The following PNMA8C variants were observed in gnomAD, a reference collection of about 807,000 sequenced individuals.
The protein encoded by PNMA8C is PNMA family member 8C.
chr19:46,427,779 C>T lies in PNMA8C; in HGVS notation c.581G>A (p.Arg194His), dbSNP rs1969430939. ...KRGKRKNKKN[R>H]RRHHASDKKL ...CTTGTCTGAGGCGTGATGCCGCCGG[C>T]GGTTTTTCTTGTTCTTCCTTTTGCC... The change falls in exon 1 of 1, where the codon CGC becomes CAC. Residue 194 changes from arginine (R) to histidine (H), a missense_variant. Coordinates refer to ENST00000617053, the MANE Select transcript of PNMA8C (RefSeq NM_001386793.1). The T allele has an allele frequency of 2.5e-6, 1 of 398,726 alleles. No homozygotes were observed. Among genetic ancestry groups the T allele is most frequent in the Non-Finnish European group, 4.4e-6 (1 of 226,200 alleles). The allele number at this position is 398,726 out of a possible 1,614,324, so 24.7% of individuals were successfully genotyped here. A position where few individuals can be genotyped will look rare whatever the true frequency, so the allele number is the denominator to read the frequency against.
At position 46,427,064 on chromosome 19, in the gene PNMA8C, A is replaced by G. The variant is rs1157147375; in HGVS notation, c.*681T>C. On this transcript the variant is annotated 3_prime_UTR_variant, in exon 1 of 1. Coordinates refer to ENST00000617053, the MANE Select transcript of PNMA8C (RefSeq NM_001386793.1). ...ACCCACACACTCTAATGCTACCCAC[A>G]CTCACTAACGTGTATTCAAGTAACC... 6.6e-6 allele frequency: 1 copy of G among 152,206 alleles called. No homozygotes were observed. 9.4% of individuals were successfully genotyped at this position (152,206 alleles called of 1,614,324 possible).
rs576230213 is a variant in PNMA8C at position 46,426,461 on chromosome 19, T to C, written c.*1284A>G. 11 of 152,024 alleles carry C rather than the reference T, an allele frequency of 7.2e-5. No homozygotes were observed. In the East Asian group the frequency reaches 2.1e-3, roughly 29 times the overall value. 9.4% of individuals were successfully genotyped at this position (152,024 alleles called of 1,614,324 possible). ...ACATGCGCAAAACAGGGTGGCCCAC[T>C]CCGAACAAGTTTGTGCCAGAGGTAC... On this transcript the variant is annotated 3_prime_UTR_variant, in exon 1 of 1. Transcript: ENST00000617053.
In PNMA8C at chr19:46,426,383, GTT is replaced by G. The variant is rs1969420166; in HGVS notation, c.*1360_*1361del. 6.6e-6 allele frequency: 1 copy of G among 152,112 alleles called. No homozygotes were observed. The highest frequency in any genetic ancestry group is 1.5e-5 in the Non-Finnish European group (1 of 68,052). The allele number at this position is 152,112 out of a possible 1,614,324, so 9.4% of individuals were successfully genotyped here. On this transcript the variant is annotated 3_prime_UTR_variant, in exon 1 of 1. Coordinates refer to ENST00000617053, the MANE Select transcript of PNMA8C (RefSeq NM_001386793.1). Reference sequence around the variant, plus strand: ...TCAAGAGCCGCTTACAGATCAGTGAGTTCCTCAGAGGTGGGGAGCAGGCAACT... The same window carrying G: ...TCAAGAGCCGCTTACAGATCAGTGAGCCTCAGAGGTGGGGAGCAGGCAACT...
rs1195906173 is a variant in PNMA8C at position 46,426,439 on chromosome 19, T to C, written c.*1306A>G. 6.6e-6 allele frequency: 1 copy of C among 151,958 alleles called. No homozygotes were observed. The highest frequency in any genetic ancestry group is 6.6e-5 in the Admixed American group (1 of 15,240). The allele number at this position is 151,958 out of a possible 1,614,324, so 9.4% of individuals were successfully genotyped here. A position where few individuals can be genotyped will look rare whatever the true frequency, so the allele number is the denominator to read the frequency against. ...TCTCAGCCATGGTTTCTGCTTGACA[T>C]GCGCAAAACAGGGTGGCCCACTCCG... On this transcript the variant is annotated 3_prime_UTR_variant, in exon 1 of 1. Coordinates refer to ENST00000617053, the MANE Select transcript of PNMA8C (RefSeq NM_001386793.1).
rs1969429757 is a variant in PNMA8C, at chr19:46,427,642, C to T, written c.*103G>A. The T allele has an allele frequency of 7.5e-6, 3 of 397,520 alleles. No individual in the cohort carries two copies. Among genetic ancestry groups the T allele is most frequent in the African/African-American group, 6.2e-5 (3 of 48,612 alleles). The allele number at this position is 397,520 out of a possible 1,614,324, so 24.6% of individuals were successfully genotyped here. ...TTCCCACCCTCCCTTGCATTACCCA[C>T]ACTCACTCGCACTCCTTAAACGTAG... On this transcript the variant is annotated 3_prime_UTR_variant, in exon 1 of 1. Coordinates refer to ENST00000617053, the MANE Select transcript of PNMA8C (RefSeq NM_001386793.1).
In PNMA8C at chr19:46,428,162, T is replaced by C. The variant is rs1045287134; in HGVS notation, c.198A>G (p.Lys66=). The change falls in exon 1 of 1, where the codon AAA becomes AAG. Residue 66 remains lysine, a synonymous_variant. Coordinates refer to ENST00000617053, the MANE Select transcript of PNMA8C (RefSeq NM_001386793.1). ...TCAGCTGAATGATGGCCGCCTTGGA[T>C]TTATCTTCTTCCAGATAGGCCTTCC... ...VAGKAYLEED[K]SKAAIIQLTE... 1.2e-4 allele frequency: 46 copies of C among 398,678 alleles called. No homozygotes were observed. The Admixed American group carries it at 1.5e-3, about 13-fold the overall frequency. 24.7% of individuals were successfully genotyped at this position (398,678 alleles called of 1,614,324 possible). A position where few individuals can be genotyped will look rare whatever the true frequency, so the allele number is the denominator to read the frequency against.
Position 46,427,438 on chromosome 19 carries a change from T to C in PNMA8C, c.*307A>G. ...GAACATAGTAGGTATGCAATAAATA[T>C]CTGTAAGATGAATAAATGAGCCACG... On this transcript the variant is annotated 3_prime_UTR_variant, in exon 1 of 1. Coordinates refer to ENST00000617053, the MANE Select transcript of PNMA8C (RefSeq NM_001386793.1). 4.2e-6 allele frequency: 1 copy of C among 236,626 alleles called. No individual in the cohort carries two copies. The highest frequency in any genetic ancestry group is 8.1e-6 in the Non-Finnish European group (1 of 123,690). 14.7% of individuals were successfully genotyped at this position (236,626 alleles called of 1,614,324 possible). A position where few individuals can be genotyped will look rare whatever the true frequency, so the allele number is the denominator to read the frequency against.
rs1338049220 is a variant in PNMA8C at position 46,425,366 on chromosome 19, G to C, written c.*2379C>G. 6.6e-6 allele frequency: 1 copy of C among 151,992 alleles called. No individual in the cohort carries two copies. The highest frequency in any genetic ancestry group is 1.9e-4 in the East Asian group (1 of 5,166). The allele number at this position is 151,992 out of a possible 1,614,324, so 9.4% of individuals were successfully genotyped here. ...ACACTTTGGGAGGCCGAAGTGGGCG[G>C]ATCACAAGGTCAGGAGATTGAGACC... is the stretch of plus-strand genomic sequence containing the variant. On this transcript the variant is annotated 3_prime_UTR_variant, in exon 1 of 1. Coordinates refer to ENST00000617053, the MANE Select transcript of PNMA8C (RefSeq NM_001386793.1).
At position 46,427,508 on chromosome 19, in the gene PNMA8C, T is replaced by C; in HGVS notation, c.*237A>G. The C allele has an allele frequency of 5.6e-6, 2 of 355,758 alleles. No homozygotes were observed. Among genetic ancestry groups the C allele is most frequent in the Non-Finnish European group, 1.0e-5 (2 of 198,994 alleles). The allele number at this position is 355,758 out of a possible 1,614,324, so 22.0% of individuals were successfully genotyped here. ...CACCCACTCAGATGTAACCCACAAG[T>C]TAGTTAACTCAGATAAAGATATCCA... On this transcript the variant is annotated 3_prime_UTR_variant, in exon 1 of 1. Transcript: ENST00000617053.
rs1372846110 is a variant in PNMA8C at position 46,428,226 on chromosome 19, C to CGA, written c.132_133dup (p.Arg45LeufsTer8). 10 of 398,606 alleles carry CGA rather than the reference C, an allele frequency of 2.5e-5. No individual in the cohort carries two copies. Among genetic ancestry groups the CGA allele is most frequent in the Non-Finnish European group, 1.8e-5 (4 of 226,066 alleles). 24.7% of individuals were successfully genotyped at this position (398,606 alleles called of 1,614,324 possible). A position where few individuals can be genotyped will look rare whatever the true frequency, so the allele number is the denominator to read the frequency against. ...CTTGCCTAGAGGTTTGAGGGGCAGC[C>CGA]GAATAATCTCTTCGAATTCCTCGTG... On this transcript the variant is annotated frameshift_variant, in exon 1 of 1. Coordinates refer to ENST00000617053, the MANE Select transcript of PNMA8C (RefSeq NM_001386793.1). LOFTEE classifies it low-confidence loss of function (END_TRUNC).
At position 46,425,521 on chromosome 19, in the gene PNMA8C, G is replaced by C. The variant is rs1321625139; in HGVS notation, c.*2224C>G. 1 of 142,532 alleles carries C rather than the reference G, an allele frequency of 7.0e-6. No individual in the cohort carries two copies. Among genetic ancestry groups the C allele is most frequent in the Non-Finnish European group, 1.5e-5 (1 of 66,644 alleles). 8.8% of individuals were successfully genotyped at this position (142,532 alleles called of 1,614,324 possible). On this transcript the variant is annotated 3_prime_UTR_variant, in exon 1 of 1. Transcript: ENST00000617053. The stretch of plus-strand genomic sequence containing the variant: ...GAGAATCACTTGAACCCAGGAAGCA[G>C]AGGTTGCAGTGAGCCAAGATCGTGC...
Position 46,428,866 on chromosome 19 carries a change from G to A in PNMA8C, c.-507C>T, listed in dbSNP as rs1298490970. Reference sequence around the variant, plus strand: ...CGCGTCCCTCACCGCTGGCCCAGAGGTTGCACTCAGTGCCCTGTCGCCGGA... The same window carrying A: ...CGCGTCCCTCACCGCTGGCCCAGAGATTGCACTCAGTGCCCTGTCGCCGGA... On this transcript the variant is annotated 5_prime_UTR_variant, in exon 1 of 1. Transcript: ENST00000617053. 2 of 152,672 alleles carry A rather than the reference G, an allele frequency of 1.3e-5. No individual in the cohort carries two copies. The highest frequency in any genetic ancestry group is 2.9e-5 in the Non-Finnish European group (2 of 68,408). 9.5% of individuals were successfully genotyped at this position (152,672 alleles called of 1,614,324 possible). A position where few individuals can be genotyped will look rare whatever the true frequency, so the allele number is the denominator to read the frequency against.
Position 46,427,958 on chromosome 19 carries a change from A to T in PNMA8C, c.402T>A (p.Cys134Ter), listed in dbSNP as rs1347981938. 1 of 397,884 alleles carries T rather than the reference A, an allele frequency of 2.5e-6. No homozygotes were observed. The highest frequency in any genetic ancestry group is 4.4e-6 in the Non-Finnish European group (1 of 225,940). 24.6% of individuals were successfully genotyped at this position (397,884 alleles called of 1,614,324 possible). Residue 134 changes from cysteine (C) to a stop codon, truncating the protein, a stop_gained, in exon 1 of 1, where the codon TGT becomes TGA. Coordinates refer to ENST00000617053, the MANE Select transcript of PNMA8C (RefSeq NM_001386793.1). LOFTEE classifies it low-confidence loss of function (END_TRUNC). ...GCTCTCTGGGGCCCGTGGCTGGGGG[A>T]CACAGTTCCTGCCTCAGGACCCGGG... ...DMARVLRQEL[C>*]PPATGPRELP... is the part of the protein sequence containing the mutation.
chr19:46,426,112 TA>T lies in PNMA8C; in HGVS notation c.*1632del, dbSNP rs1969417999. ...TTAAAATTCTTCTTCACCTCAGTGT[TA>T]ACGTCGTTCATTGGTAACTCTTGAA... On this transcript the variant is annotated 3_prime_UTR_variant, in exon 1 of 1. Coordinates refer to ENST00000617053, the MANE Select transcript of PNMA8C (RefSeq NM_001386793.1). The T allele has an allele frequency of 6.6e-6, 1 of 152,230 alleles. No homozygotes were observed. Among genetic ancestry groups the T allele is most frequent in the South Asian group, 2.1e-4 (1 of 4,836 alleles). 9.4% of individuals were successfully genotyped at this position (152,230 alleles called of 1,614,324 possible). A position where few individuals can be genotyped will look rare whatever the true frequency, so the allele number is the denominator to read the frequency against.
In PNMA8C at chr19:46,426,987, C is replaced by G. The variant is rs1031567578; in HGVS notation, c.*758G>C. ...ACCCATACACATATTCAGGTGTTACCCGCACACTCTCAAATATTACCCACA... is the reference window on the plus strand; with the variant it reads ...ACCCATACACATATTCAGGTGTTACGCGCACACTCTCAAATATTACCCACA... On this transcript the variant is annotated 3_prime_UTR_variant, in exon 1 of 1. Transcript: ENST00000617053. 3 of 152,192 alleles carry G rather than the reference C, an allele frequency of 2.0e-5. No homozygotes were observed. In the South Asian group the frequency reaches 6.2e-4, roughly 32 times the overall value. The allele number at this position is 152,192 out of a possible 1,614,324, so 9.4% of individuals were successfully genotyped here.
rs1969419240 is a variant in PNMA8C, at chr19:46,426,275, C to T, written c.*1470G>A. 6.6e-6 allele frequency: 1 copy of T among 152,068 alleles called. No individual in the cohort carries two copies. The highest frequency in any genetic ancestry group is 6.6e-5 in the Admixed American group (1 of 15,242). The allele number at this position is 152,068 out of a possible 1,614,324, so 9.4% of individuals were successfully genotyped here. On this transcript the variant is annotated 3_prime_UTR_variant, in exon 1 of 1. Transcript: ENST00000617053. Reference sequence around the variant, plus strand: ...CTTGGGGAGACTCACACCCTCACCCCAGGCGCCAATCGGGGCAGAAGGGTC... The same window carrying T: ...CTTGGGGAGACTCACACCCTCACCCTAGGCGCCAATCGGGGCAGAAGGGTC...
rs1969415965 is a variant in PNMA8C at position 46,425,798 on chromosome 19, A to G, written c.*1947T>C. On this transcript the variant is annotated 3_prime_UTR_variant, in exon 1 of 1. Coordinates refer to ENST00000617053, the MANE Select transcript of PNMA8C (RefSeq NM_001386793.1). ...TAGCTACTAGGGAGGCTGAGGCAGG[A>G]GAATCGCTTGGACCAGGGAGTCAGA... is the stretch of plus-strand genomic sequence containing the variant. The G allele has an allele frequency of 6.6e-6, 1 of 151,960 alleles. No homozygotes were observed. Among genetic ancestry groups the G allele is most frequent in the South Asian group, 2.1e-4 (1 of 4,822 alleles). 9.4% of individuals were successfully genotyped at this position (151,960 alleles called of 1,614,324 possible).
At position 46,427,643 on chromosome 19, in the gene PNMA8C, A is replaced by G. The variant is rs986084992; in HGVS notation, c.*102T>C. Reference sequence around the variant, plus strand: ...TCCCACCCTCCCTTGCATTACCCACACTCACTCGCACTCCTTAAACGTAGT... The same window carrying G: ...TCCCACCCTCCCTTGCATTACCCACGCTCACTCGCACTCCTTAAACGTAGT... On this transcript the variant is annotated 3_prime_UTR_variant, in exon 1 of 1. Transcript: ENST00000617053. The G allele has an allele frequency of 5.0e-6, 2 of 397,046 alleles. No individual in the cohort carries two copies. Among genetic ancestry groups the G allele is most frequent in the African/African-American group, 4.1e-5 (2 of 48,414 alleles). 24.6% of individuals were successfully genotyped at this position (397,046 alleles called of 1,614,324 possible). A position where few individuals can be genotyped will look rare whatever the true frequency, so the allele number is the denominator to read the frequency against.
At position 46,428,349 on chromosome 19, in the gene PNMA8C, C is replaced by G; in HGVS notation, c.11G>C (p.Gly4Ala). The change falls in exon 1 of 1, where the codon GGG becomes GCG. Residue 4 changes from glycine (G) to alanine (A), a missense_variant. Transcript: ENST00000617053. ...CTCCAACAGTGCAATGTCCTTCACC[C>G]CGAACAGCATCTTGCCCAACTCTTT... The part of the protein sequence containing the change: MLF[G>A]VKDIALLEHG... 2.5e-6 allele frequency: 1 copy of G among 398,744 alleles called. No individual in the cohort carries two copies. Among genetic ancestry groups the G allele is most frequent in the Non-Finnish European group, 4.4e-6 (1 of 226,148 alleles). 24.7% of individuals were successfully genotyped at this position (398,744 alleles called of 1,614,324 possible). A position where few individuals can be genotyped will look rare whatever the true frequency, so the allele number is the denominator to read the frequency against.
Sources: gnomAD v4.1 joint callset for allele counts on GRCh38, gnomAD v4.1.1 for gene constraint, MANE v1.5 for transcripts, NCBI Gene and HGNC (gene_info 2026-07-23, HGNC 2026-07-21) for gene names.